Variants in MYO7B observed in about 807,000 individuals in gnomAD.
MYO7B encodes the protein myosin VIIB.
A neutral mutation model predicts 259.7 loss-of-function variants in MYO7B; 212 were observed. The ratio of observed to expected loss-of-function variants is 0.82; its 90% CI spans 0.73 to 0.91. The LOEUF (loss-of-function observed/expected upper bound fraction) is 0.91, where lower values mean the gene tolerates loss of function less well. Ranked by LOEUF, MYO7B falls within the 40% of genes least tolerant of loss-of-function variation. The probability of loss-of-function intolerance (pLI) is 0.00; values close to 1 mark genes in which losing one functional copy is unlikely to be tolerated. For missense variants in MYO7B, 2,732 were observed against 2,813.5 expected (o/e 0.97, Z 0.66); for synonymous variants, 1,197 against 1,166.4 (o/e 1.03, Z -0.54).
chr2:127,568,733 C>A (rs2104882824), intron 5 of MYO7B, among the ~76,000 whole-genome samples: 1 of 151,800 alleles, frequency 6.6e-6, no homozygotes, highest in Admixed American at 6.6e-5. Flanking sequence ...CCCGTCTCTA[C>A]TAAAAATATA....
chr2:127,635,680 C>G (rs751587972), intron 43 of MYO7B, 42 bp from the exon 44 acceptor site: 1 of 1,550,120 alleles, frequency 6.5e-7, no homozygotes, highest in African/African-American at 1.4e-5. Flanking sequence ...GCGGGTGGGC[C>G]GCAGCTGGAG....
At chr2:127,635,024 C>T (rs1573730750) in intron 42 of MYO7B, 96 bp from the exon 43 acceptor site, 3 of 960,622 alleles carry the variant, frequency 3.1e-6, no homozygotes, top group Admixed American at 2.0e-5. Context: ...GCTTTCGAGG[C>T]AGGGAGGTGG....
chr2:127,596,367 G>A, intron 18 of MYO7B, 95 bp from the exon 19 acceptor site: 1 of 1,028,400 alleles, frequency 9.7e-7, no homozygotes, highest in Non-Finnish European at 1.5e-6. Context: ...GGAGAAGCCT[G>A]AGAGATGCTA....
At chr2:127,612,081 T>C (rs1300494080) in intron 24 of MYO7B, among the ~76,000 whole-genome samples, 169 bp from the exon 25 acceptor site, 2 of 151,944 alleles carry the variant, frequency 1.3e-5, no homozygotes. Context: ...CACCTGTATG[T>C]GTGTGTGGTA....
At chr2:127,632,169 G>C in intron 38 of MYO7B, 77 bp from the exon 39 acceptor site, 1 of 1,503,728 alleles carries the variant, frequency 6.7e-7, no homozygotes, top group Non-Finnish European at 8.9e-7. Flanking sequence ...TCTCACATCC[G>C]TCCCTGCTCC....
At chr2:127,567,933 C>T (rs535198975) in intron 5 of MYO7B, among the ~76,000 whole-genome samples, 40 of 152,244 alleles carry the variant, frequency 2.6e-4, no homozygotes, top group Admixed American at 5.2e-4. Context: ...AGGCCAGGCA[C>T]GGCCTCTCTG....
Position 127,623,275 on chromosome 2 carries a change from A to G in MYO7B, c.3719A>G (p.Asp1240Gly). ...GGAGAGAGCCTAACCGTCCCCGTGG[A>G]CTCAGCCTCCACATCTCGGGAAATG... ...ATGESLTVPV[D>G]SASTSREMCM... is the part of the protein sequence containing the mutation. The change falls in exon 29 of 48, where the codon GAC becomes GGC. Residue 1240 changes from aspartate to glycine, a missense_variant. Asp to Gly is a moderately conservative substitution (Grantham distance 94). Transcript: ENST00000409816. The G allele has an allele frequency of 6.2e-7, 1 of 1,613,302 alleles. No homozygotes were observed. The highest frequency in any genetic ancestry group is 1.1e-5 in the South Asian group (1 of 91,064).
Position 127,609,671 on chromosome 2 carries a change from C to T in MYO7B, c.2980C>T (p.Leu994Phe). ...SASHTHIRRP[L>F]RYPLLYHEDD... ...CAGCCACACACACATCCGGCGGCCC[C>T]TCCGATACCCGTTGCTTTACCACGA... is the stretch of plus-strand genomic sequence containing the variant. The change falls in exon 23 of 48, where the codon CTC becomes TTC. Residue 994 changes from leucine (L) to phenylalanine (F), a missense_variant. This residue lies in a region of MYO7B where 1,906 missense variants were observed against 2,026.4 expected (regional missense o/e 0.94). Transcript: ENST00000409816. The surrounding 1 kb of genome is among the most constrained non-coding windows in gnomAD (Gnocchi z 6.9). The T allele has an allele frequency of 6.2e-7, 1 of 1,614,012 alleles. No homozygotes were observed. The highest frequency in any genetic ancestry group is 2.2e-5 in the East Asian group (1 of 44,890).
rs1336124636 is a variant in MYO7B, at chr2:127,546,534, T to A, written c.-24+10703T>A. Among the ~76,000 whole-genome samples the A allele has an allele frequency of 6.6e-6, 1 of 152,188 alleles. No homozygotes were observed. Among genetic ancestry groups the A allele is most frequent in the African/African-American group, 2.4e-5 (1 of 41,442 alleles). On this transcript the variant is annotated intron_variant, in intron 1 of 47. Coordinates refer to ENST00000409816, the MANE Select transcript of MYO7B (RefSeq NM_001393586.1). The surrounding 1 kb of genome is among the most constrained non-coding windows in gnomAD (Gnocchi z 4.2). Reference sequence around the variant, plus strand: ...GACCCACAGCAGCTTTGAGGAGGGCTTTGAGAACTAGCAGTTTACCCTTCT... The same window carrying A: ...GACCCACAGCAGCTTTGAGGAGGGCATTGAGAACTAGCAGTTTACCCTTCT...
intron 1 of MYO7B, among the ~76,000 whole-genome samples, chr2:127,551,014 G>A (rs979726567): frequency 3.3e-5 from 5 of 149,702 alleles, no homozygotes; most frequent in African/African-American, 1.2e-4. Flanking sequence ...TCCGGCCCAG[G>A]GACCCTCATA....
At chr2:127,545,641 G>T (rs1006361015) in intron 1 of MYO7B, among the ~76,000 whole-genome samples, 1 of 152,240 alleles carries the variant, frequency 6.6e-6, no homozygotes, top group Non-Finnish European at 1.5e-5. Flanking sequence ...GTGGATGGGT[G>T]CACAGGCTCT....
intron 12 of MYO7B, among the ~76,000 whole-genome samples, chr2:127,582,796 T>TG (rs1368930287): frequency 6.6e-6 from 1 of 152,186 alleles, no homozygotes. Flanking sequence ...TTTTAGGTAG[T>TG]GGGGGAAGCT....
In MYO7B at chr2:127,596,856, G is replaced by A. The variant is rs551693764; in HGVS notation, c.2339+300G>A. Among the ~76,000 whole-genome samples the A allele has an allele frequency of 1.3e-4, 20 of 152,372 alleles. 1 individual carries two copies. The highest frequency in any genetic ancestry group is 2.0e-4 in the Admixed American group (3 of 15,312). On this transcript the variant is annotated intron_variant, in intron 19 of 47. Coordinates refer to ENST00000409816, the MANE Select transcript of MYO7B (RefSeq NM_001393586.1). Reference sequence around the variant, plus strand: ...CGTTCCACTTCCATTATATCAAAGCGTATGGGTTTGGGTTGTGAGGCAATT... The same window carrying A: ...CGTTCCACTTCCATTATATCAAAGCATATGGGTTTGGGTTGTGAGGCAATT...
Position 127,636,086 on chromosome 2 carries a change from A to G in MYO7B, c.6007-122A>G, listed in dbSNP as rs1003369969. On this transcript the variant is annotated intron_variant, in intron 44 of 47. Coordinates refer to ENST00000409816, the MANE Select transcript of MYO7B (RefSeq NM_001393586.1). The surrounding 1 kb of genome is among the most constrained non-coding windows in gnomAD (Gnocchi z 4.5). ...CCATCCACAGCACCGAGACTGTCCC[A>G]TGCTGCATTCCTCCCCTCCCCTCCC... 50 of 1,069,178 alleles carry G rather than the reference A, an allele frequency of 4.7e-5. No homozygotes were observed. The highest frequency in any genetic ancestry group is 6.7e-5 in the Non-Finnish European group (49 of 731,406). The allele number at this position is 1,069,178 out of a possible 1,614,324, so 66.2% of individuals were successfully genotyped here.
chr2:127,612,165 G>C (rs932955971), intron 24 of MYO7B, 85 bp from the exon 25 acceptor site: 4 of 502,950 alleles, frequency 8.0e-6, no homozygotes, highest in Admixed American at 6.9e-5. Flanking sequence ...AAAGGGACAC[G>C]TGCTCCACCC....
rs868817875 is a variant in MYO7B at position 127,605,911 on chromosome 2, A to G, written c.2407A>G (p.Arg803Gly). ...GGCCTGGTGGAGAGGCTACTGCAACAGGAGGAATTTCAAGCTGGTGAGAGA... is the reference window on the plus strand; with the variant it reads ...GGCCTGGTGGAGAGGCTACTGCAACGGGAGGAATTTCAAGCTGGTGAGAGA... ...LQAWWRGYCNRRNFKLILVGF... is the reference protein window; with the variant it reads ...LQAWWRGYCNGRNFKLILVGF... The change falls in exon 20 of 48, where the codon AGG becomes GGG. Residue 803 changes from arginine to glycine, a missense_variant. Arg to Gly is a moderately radical substitution (Grantham distance 125). Around this residue, in one of 3 missense-constraint regions of MYO7B, gnomAD observed 1,906 missense variants for 2,026.4 expected, o/e 0.94. Transcript: ENST00000409816. 1.2e-6 allele frequency: 2 copies of G among 1,613,304 alleles called. No homozygotes were observed. Among genetic ancestry groups the G allele is most frequent in the African/African-American group, 1.3e-5 (1 of 74,870 alleles).
Position 127,628,064 on chromosome 2 carries a change from C to T in MYO7B, c.4461-308C>T, listed in dbSNP as rs923322254. Reference sequence around the variant, plus strand: ...CAGAGTAAGCACATGGCAGAGCCGGCAGCTCATCTCAGCTCTGACCTTTGC... The same window carrying T: ...CAGAGTAAGCACATGGCAGAGCCGGTAGCTCATCTCAGCTCTGACCTTTGC... On this transcript the variant is annotated intron_variant, in intron 33 of 47. Transcript: ENST00000409816. This position sits in a 1 kb window ranked among gnomAD's most constrained non-coding sequence, Gnocchi z 4.8. The T allele has an allele frequency of 5.3e-6, 3 of 570,094 alleles. No homozygotes were observed. Among genetic ancestry groups the T allele is most frequent in the Non-Finnish European group, 6.7e-6 (2 of 300,676 alleles). 35.3% of individuals were successfully genotyped at this position (570,094 alleles called of 1,614,324 possible).
chr2:127,635,315 A>AGGGCC, intron 43 of MYO7B, 89 bp downstream of exon 43: 2 of 1,274,554 alleles, frequency 1.6e-6, no homozygotes, highest in Non-Finnish European at 2.2e-6. Flanking sequence ...AGGCCAGGGC[A>AGGGCC]GGGCCAGCCT....
In MYO7B at chr2:127,609,510, T is replaced by A; in HGVS notation, c.2819T>A (p.Leu940Gln). The change falls in exon 23 of 48, where the codon CTG becomes CAG. Residue 940 changes from leucine to glutamine, a missense_variant. Physicochemically the swap from Leu to Gln is moderately radical, Grantham distance 113 (BLOSUM62 -2). Around this residue, in one of 3 missense-constraint regions of MYO7B, gnomAD observed 1,906 missense variants for 2,026.4 expected, o/e 0.94. Coordinates refer to ENST00000409816, the MANE Select transcript of MYO7B (RefSeq NM_001393586.1). The surrounding 1 kb of genome is among the most constrained non-coding windows in gnomAD (Gnocchi z 6.9). Reference protein sequence around the residue: ...EGQASPHFEDLESKTQKLLEV... With the variant: ...EGQASPHFEDQESKTQKLLEV... ...GTTCTCCCTCAATGGCCGTAGGATCTGGAATCGAAGACCCAGAAGCTGCTT... is the reference window on the plus strand; with the variant it reads ...GTTCTCCCTCAATGGCCGTAGGATCAGGAATCGAAGACCCAGAAGCTGCTT... 1 of 1,611,494 alleles carries A rather than the reference T, an allele frequency of 6.2e-7. No homozygotes were observed. The highest frequency in any genetic ancestry group is 8.5e-7 in the Non-Finnish European group (1 of 1,178,690).
Sources: allele counts gnomAD v4.1 joint callset (sites outside exome capture counted in the v4.1 genomes callset), GRCh38; gene constraint gnomAD v4.1.1; regional missense constraint gnomAD v4.1.1; non-coding constraint Gnocchi (gnomAD v3.1); transcripts MANE v1.5; gene names NCBI Gene and HGNC (gene_info 2026-07-23, HGNC 2026-07-21).